Variants in NSD1 observed in about 807,000 individuals in gnomAD.
NSD1 encodes nuclear receptor binding SET domain protein 1.
Under a neutral mutation model 242.7 loss-of-function variants are expected in NSD1, and 26 were observed. The ratio of observed to expected loss-of-function variants is 0.11; its 90% CI spans 0.08 to 0.15. The LOEUF (loss-of-function observed/expected upper bound fraction) is 0.15, where lower values mean the gene tolerates loss of function less well. NSD1 is among the 10% of genes least tolerant of loss of function. NSD1 has a pLI of 1.00. For synonymous variants in NSD1, 1,106 were observed against 1,178.1 expected, an observed-to-expected ratio of 0.94 and a Z score of 1.25; for missense variants, 2,495 against 3,272.8, an observed-to-expected ratio of 0.76 and a Z score of 5.80.
chr5:177,146,972 A>C (rs1335887204), intron 2 of NSD1, among the ~76,000 whole-genome samples: 1 of 149,914 alleles, frequency 6.7e-6, no homozygotes, highest in Non-Finnish European at 1.5e-5. Context: ...GCGCCGCTGC[A>C]CTCTAGCCTG....
At position 177,210,485 on chromosome 5, in the gene NSD1, G is replaced by C. The variant is rs1296355987; in HGVS notation, c.2086G>C (p.Val696Leu). 2 of 1,614,144 alleles carry C rather than the reference G, an allele frequency of 1.2e-6. No homozygotes were observed. Residue 696 changes from valine (V) to leucine (L), a missense_variant, in exon 5 of 23, where the codon GTA (valine) becomes CTA (leucine). Physicochemically the swap from Val to Leu is conservative, Grantham distance 32 (BLOSUM62 1). This residue lies in a region of NSD1 where 515 missense variants were observed against 467.0 expected (regional missense o/e 1.10). Coordinates refer to ENST00000439151, the MANE Select transcript of NSD1 (RefSeq NM_022455.5). The stretch of plus-strand genomic sequence containing the variant: ...TAGGTTTGCTGCCACAAACACTAGG[G>C]TAAAAGCAAAACAGAAGCCTCTCAT... Reference protein sequence around the residue: ...YSRFAATNTRVKAKQKPLISN... With the variant: ...YSRFAATNTRLKAKQKPLISN...
intron 5 of NSD1, among the ~76,000 whole-genome samples, chr5:177,215,560 A>C (rs1763706306): frequency 6.6e-6 from 1 of 150,688 alleles, no homozygotes; most frequent in Non-Finnish European, 1.5e-5. Context: ...TTTTTTTGAG[A>C]CAAGGGTCTC....
intron 2 of NSD1, among the ~76,000 whole-genome samples, chr5:177,138,082 A>G (rs1756487512): frequency 6.9e-6 from 1 of 143,938 alleles, no homozygotes; most frequent in African/African-American, 2.7e-5. Flanking sequence ...TCTCAAAAAA[A>G]AAAACAACAA....
intron 5 of NSD1, among the ~76,000 whole-genome samples, chr5:177,220,135 G>A (rs559741569): frequency 2.0e-5 from 3 of 151,996 alleles, no homozygotes; most frequent in Non-Finnish European, 4.4e-5. Flanking sequence ...TTATTTTAAC[G>A]TGGAGTATTA....
At chr5:177,263,992 A>T (rs1049484339) in intron 14 of NSD1, among the ~76,000 whole-genome samples, 2 of 148,580 alleles carry the variant, frequency 1.3e-5, no homozygotes, top group African/African-American at 5.0e-5. Flanking sequence ...ATAATGAAAT[A>T]GGCCATTTAG....
At chr5:177,283,997 T>G in intron 20 of NSD1, 69 bp downstream of exon 20, 1 of 1,550,574 alleles carries the variant, frequency 6.4e-7, no homozygotes, top group Non-Finnish European at 8.9e-7. Flanking sequence ...ACAAACAGCT[T>G]CCTCAGATTA....
At chr5:177,171,666 T>C (rs1759721400) in intron 2 of NSD1, among the ~76,000 whole-genome samples, 1 of 152,246 alleles carries the variant, frequency 6.6e-6, no homozygotes, top group Non-Finnish European at 1.5e-5. Flanking sequence ...GTAGTAACTC[T>C]ATTTGCCTAT....
rs561377922 is a variant in NSD1, at chr5:177,267,835, CTCT to C, written c.5303+125_5303+127del. 6.7e-4 allele frequency: 674 copies of C among 1,012,766 alleles called. 3 individuals are homozygous for C. The highest frequency in any genetic ancestry group is 5.5e-3 in the East Asian group (213 of 39,008). The allele number at this position is 1,012,766 out of a possible 1,614,324, so 62.7% of individuals were successfully genotyped here. On this transcript the variant is annotated intron_variant, in intron 15 of 22. Coordinates refer to ENST00000439151, the MANE Select transcript of NSD1 (RefSeq NM_022455.5). ...CTTAATTACTCATGGTACTCCTCCC[CTCT>C]TCTTCTTGATTTTTTTCCTTATAGG...
Position 177,175,571 on chromosome 5 carries a change from G to C in NSD1, c.928-16313G>C, listed in dbSNP as rs373678751. 5.9e-5 allele frequency among the ~76,000 whole-genome samples: 9 copies of C among 152,214 alleles called. No individual in the cohort carries two copies. The South Asian group carries it at 8.3e-4, about 14-fold the overall frequency. ...TTGAGCTCAATAGGTATAATTTTCAGTGAGCTGTGATTAGGCCACAGCACA... is the reference window on the plus strand; with the variant it reads ...TTGAGCTCAATAGGTATAATTTTCACTGAGCTGTGATTAGGCCACAGCACA... On this transcript the variant is annotated intron_variant, in intron 2 of 22. Coordinates refer to ENST00000439151, the MANE Select transcript of NSD1 (RefSeq NM_022455.5).
intron 14 of NSD1, among the ~76,000 whole-genome samples, chr5:177,261,887 C>A (rs889784142): frequency 2.0e-5 from 3 of 152,060 alleles, no homozygotes; most frequent in African/African-American, 4.8e-5. Flanking sequence ...GAAAACCTGG[C>A]TGGCTCTGAA....
At chr5:177,218,308 A>G (rs1763947228) in intron 5 of NSD1, among the ~76,000 whole-genome samples, 1 of 152,024 alleles carries the variant, frequency 6.6e-6, no homozygotes, top group South Asian at 2.1e-4. Context: ...TTGGCCCCCC[A>G]AAAGTGCTGG....
chr5:177,246,785 C>T lies in NSD1; in HGVS notation c.4486C>T (p.Pro1496Ser). The change falls in exon 10 of 23, where the codon CCA (proline) becomes TCA (serine). Residue 1496 changes from proline (P) to serine (S), a missense_variant. Pro to Ser is a moderately conservative substitution (Grantham distance 74). This residue lies in a region of NSD1 where 97 missense variants were observed against 97.7 expected (regional missense o/e 0.99). Coordinates refer to ENST00000439151, the MANE Select transcript of NSD1 (RefSeq NM_022455.5). Reference protein sequence around the residue: ...VKNDDSSKEIPGSEGELMPHR... With the variant: ...VKNDDSSKEISGSEGELMPHR... ...AAATGATGACTCGTCAAAAGAGATT[C>T]CAGGCTCAGAGGTATTACTCAGTTC... is the stretch of plus-strand genomic sequence containing the variant. The T allele has an allele frequency of 6.2e-7, 1 of 1,611,044 alleles. No homozygotes were observed. Among genetic ancestry groups the T allele is most frequent in the Non-Finnish European group, 8.5e-7 (1 of 1,177,286 alleles).
chr5:177,267,752 C>T (rs1757610451), intron 15 of NSD1, 34 bp downstream of exon 15: 1 of 1,606,228 alleles, frequency 6.2e-7, no homozygotes, highest in African/African-American at 1.3e-5. Context: ...TCTCTTTTAC[C>T]ATCCTCTGTT....
At chr5:177,191,859 TG>T (rs1562180541) in intron 2 of NSD1, 24 bp from the exon 3 acceptor site, 1 of 1,612,582 alleles carries the variant, frequency 6.2e-7, no homozygotes, top group African/African-American at 1.3e-5. Flanking sequence ...TTCTTATTGA[TG>T]CCCCATGTTT....
chr5:177,252,550 T>C, intron 12 of NSD1, among the ~76,000 whole-genome samples: 1 of 132,274 alleles, frequency 7.6e-6, no homozygotes, highest in South Asian at 2.5e-4. Context: ...TTTTTTTTTT[T>C]TTTTTTTTTT....
chr5:177,265,471 T>A (rs1057253038), intron 14 of NSD1: 6 of 624,180 alleles, frequency 9.6e-6, no homozygotes, highest in Non-Finnish European at 1.7e-5. Context: ...CCCTAAAACC[T>A]CCTCTGGGGG....
At chr5:177,164,580 T>C (rs1044231643) in intron 2 of NSD1, among the ~76,000 whole-genome samples, 3 of 152,188 alleles carry the variant, frequency 2.0e-5, no homozygotes, top group African/African-American at 7.2e-5. Flanking sequence ...TTTCTGTATA[T>C]TATACTGGAA....
At chr5:177,285,863 G>A (rs1428900779) in intron 20 of NSD1, among the ~76,000 whole-genome samples, 4 of 152,144 alleles carry the variant, frequency 2.6e-5, no homozygotes, top group African/African-American at 9.7e-5. Context: ...AATGATATTT[G>A]TTCAGATCTT....
rs75405762 is a variant in NSD1 at position 177,186,504 on chromosome 5, T to A, written c.928-5380T>A. ...GTGCAACATAGGTTTGATTTTTAAC[T>A]GTTGCTAGAAAAATTCATTAGTGAA... is the stretch of plus-strand genomic sequence containing the variant. On this transcript the variant is annotated intron_variant, in intron 2 of 22. Transcript: ENST00000439151. 1.8e-4 allele frequency among the ~76,000 whole-genome samples: 28 copies of A among 152,248 alleles called. No homozygotes were observed. In the East Asian group the frequency reaches 5.2e-3, roughly 28 times the overall value.
Sources: allele counts gnomAD v4.1 joint callset (sites outside exome capture counted in the v4.1 genomes callset), GRCh38; gene constraint gnomAD v4.1.1; regional missense constraint gnomAD v4.1.1; transcripts MANE v1.5; gene names NCBI Gene and HGNC (gene_info 2026-07-23, HGNC 2026-07-21).